The following BDP1 variants were observed in gnomAD, a reference collection of about 807,000 sequenced individuals.
The protein encoded by BDP1 is transcription factor TFIIIB component B'' homolog.
A neutral mutation model predicts 266.6 loss-of-function variants in BDP1; 169 were observed. That is an observed-to-expected ratio of 0.63 (90% CI 0.56 to 0.72). The LOEUF (loss-of-function observed/expected upper bound fraction) is 0.72. Among genes scored for constraint, BDP1 ranks in the 30% least tolerant of loss-of-function variants. BDP1 has a pLI of 0.00. For missense variants in BDP1, 3,015 were observed against 3,053.8 expected (o/e 0.99, Z 0.30); for synonymous variants, 1,090 against 1,022.4 (o/e 1.07, Z -1.26).
intron 31 of BDP1, among the ~76,000 whole-genome samples, chr5:71,544,737 G>A (rs1246064227): frequency 4.0e-5 from 6 of 151,772 alleles, no homozygotes; most frequent in Admixed American, 6.6e-5. Context: ...AAAATTAGCC[G>A]GGCGTGGTGG....
intron 15 of BDP1, among the ~76,000 whole-genome samples, chr5:71,504,286 A>G (rs906331112): frequency 1.3e-5 from 2 of 151,652 alleles, no homozygotes; most frequent in Non-Finnish European, 2.9e-5. Context: ...AAAAAAAAAA[A>G]AGAAAAAAAA....
At chr5:71,491,564 T>C (rs1293404449) in intron 11 of BDP1, among the ~76,000 whole-genome samples, 1 of 152,166 alleles carries the variant, frequency 6.6e-6, no homozygotes, top group African/African-American at 2.4e-5. Context: ...ATGTGTACTA[T>C]ACAGTGTTGT....
chr5:71,506,827 A>C (rs1764616564), intron 16 of BDP1, among the ~76,000 whole-genome samples: 1 of 143,178 alleles, frequency 7.0e-6, no homozygotes, highest in African/African-American at 2.6e-5. Context: ...ACACACACCC[A>C]TATTTTTTTA....
intron 15 of BDP1, 110 bp downstream of exon 15, chr5:71,502,901 T>G (rs1489159672): frequency 2.4e-6 from 2 of 840,232 alleles, no homozygotes; most frequent in African/African-American, 1.7e-5. Context: ...ATTTATTTAT[T>G]TATTTATGAC....
rs186925697 is a variant in BDP1 at position 71,553,418 on chromosome 5, T to A, written c.7200+98T>A. On this transcript the variant is annotated intron_variant, in intron 35 of 38. Coordinates refer to ENST00000358731, the MANE Select transcript of BDP1 (RefSeq NM_018429.3). ...ATTTTTTCCTTTATTCTCTTTAAACTTTTAGATATATATAAAGATAGTTCT... is the reference window on the plus strand; with the variant it reads ...ATTTTTTCCTTTATTCTCTTTAAACATTTAGATATATATAAAGATAGTTCT... The A allele has an allele frequency of 2.3e-5, 17 of 748,564 alleles. No individual in the cohort carries two copies. The Admixed American group carries it at 3.4e-4, about 15-fold the overall frequency. 46.4% of individuals were successfully genotyped at this position (748,564 alleles called of 1,614,324 possible). A position where few individuals can be genotyped will look rare whatever the true frequency, so the allele number is the denominator to read the frequency against.
At chr5:71,560,361 T>C in intron 37 of BDP1, 124 bp downstream of exon 37, 1 of 1,091,578 alleles carries the variant, frequency 9.2e-7, no homozygotes, top group East Asian at 2.6e-5. Context: ...ATCAGTAATG[T>C]AAAGGAAAAA....
intron 19 of BDP1, among the ~76,000 whole-genome samples, chr5:71,514,018 C>G (rs564688157): frequency 6.6e-6 from 1 of 151,918 alleles, no homozygotes; most frequent in African/African-American, 2.4e-5. Context: ...TGGCGCCCAG[C>G]GAGAATAATC....
Position 71,504,678 on chromosome 5 carries a change from T to G in BDP1, c.2299T>G (p.Leu767Val). 6.2e-7 allele frequency: 1 copy of G among 1,613,612 alleles called. No individual in the cohort carries two copies. The highest frequency in any genetic ancestry group is 8.5e-7 in the Non-Finnish European group (1 of 1,179,632). ...AGATTTTGAAGAGGAAGATGTCATATTACAGCCTGAGAAAAATGATTCTTT... is the reference window on the plus strand; with the variant it reads ...AGATTTTGAAGAGGAAGATGTCATAGTACAGCCTGAGAAAAATGATTCTTT... ...RKDFEEEDVILQPEKNDSFQN... is the reference protein window; with the variant it reads ...RKDFEEEDVIVQPEKNDSFQN... Residue 767 changes from leucine to valine, a missense_variant, in exon 16 of 39, where the codon TTA (leucine) becomes GTA (valine). Physicochemically the swap from Leu to Val is conservative, Grantham distance 32. Around this residue, in one of 3 missense-constraint regions of BDP1, gnomAD observed 2,383 missense variants for 2,404.9 expected, o/e 0.99. Transcript: ENST00000358731.
Position 71,567,348 on chromosome 5 carries a change from A to AT in BDP1, c.*2465dup, listed in dbSNP as rs1236917306. 6.6e-6 allele frequency: 1 copy of AT among 152,208 alleles called. No individual in the cohort carries two copies. 9.4% of individuals were successfully genotyped at this position (152,208 alleles called of 1,614,324 possible). On this transcript the variant is annotated 3_prime_UTR_variant, in exon 39 of 39. Coordinates refer to ENST00000358731, the MANE Select transcript of BDP1 (RefSeq NM_018429.3). ...TATAAAGAATACAGAGACTCATTGT[A>AT]TTAGAGAATCAAGTCAGCCAGCTAA...
intron 25 of BDP1, 99 bp downstream of exon 25, chr5:71,524,422 G>T: frequency 4.0e-6 from 5 of 1,252,088 alleles, no homozygotes; most frequent in Non-Finnish European, 5.5e-6. Flanking sequence ...TGATTATTAG[G>T]ATTTGAAGAG....
chr5:71,509,839 C>G lies in BDP1; in HGVS notation c.2747C>G (p.Pro916Arg), dbSNP rs201059861. ...GREICLREKT[P>R]EVIDATEEID... is the part of the protein sequence containing the mutation. ...GAGATTTGTCTAAGGGAGAAGACGC[C>G]AGAGGTGATTGATGCCACTGAGGAA... The change falls in exon 17 of 39, where the codon CCA becomes CGA. Residue 916 changes from proline to arginine, a missense_variant. Around this residue, in one of 3 missense-constraint regions of BDP1, gnomAD observed 2,383 missense variants for 2,404.9 expected, o/e 0.99. Transcript: ENST00000358731. 471 of 1,614,022 alleles carry G rather than the reference C, an allele frequency of 2.9e-4. No individual in the cohort carries two copies. The African/African-American group carries it at 4.0e-3, about 14-fold the overall frequency.
intron 33 of BDP1, 86 bp from the exon 34 acceptor site, chr5:71,549,334 C>A: frequency 1.8e-6 from 2 of 1,102,760 alleles, no homozygotes; most frequent in Non-Finnish European, 2.6e-6. Context: ...TGTCCTGAGA[C>A]TGTCTTTTTA....
intron 15 of BDP1, 36 bp downstream of exon 15, chr5:71,502,827 G>C (rs752459949): frequency 1.3e-6 from 2 of 1,536,796 alleles, no homozygotes; most frequent in Non-Finnish European, 1.8e-6. Context: ...TTTTTGGTAA[G>C]CAAGTACATG....
At chr5:71,555,337 TG>T (rs1743137773) in intron 35 of BDP1, among the ~76,000 whole-genome samples, 1 of 152,216 alleles carries the variant, frequency 6.6e-6, no homozygotes, top group Admixed American at 6.5e-5. Context: ...TCTTCATATT[TG>T]TTTGGATATA....
rs367645661 is a variant in BDP1 at position 71,511,055 on chromosome 5, C to T, written c.3963C>T (p.Asn1321=). ...TGKTDISPRE[N]ELEETSTSRQ... ...AAACAGACATTTCTCCAAGGGAAAA[C>T]GAGCTAGAGGAGACCAGTACCTCAA... Residue 1321 remains asparagine (N), a synonymous_variant, in exon 17 of 39, where the codon AAC becomes AAT. Coordinates refer to ENST00000358731, the MANE Select transcript of BDP1 (RefSeq NM_018429.3). The T allele has an allele frequency of 6.9e-5, 111 of 1,613,962 alleles. No homozygotes were observed. Among genetic ancestry groups the T allele is most frequent in the African/African-American group, 2.9e-4 (22 of 74,914 alleles).
Position 71,502,060 on chromosome 5 carries a change from A to G in BDP1, c.2048+407A>G, listed in dbSNP as rs149783217. ...ATCCCCTGGAGTTCTACATTATTCT[A>G]TAGTATCCTTAGTCAGGAGTAGTAT... On this transcript the variant is annotated intron_variant, in intron 14 of 38. Transcript: ENST00000358731. 2.7e-3 allele frequency among the ~76,000 whole-genome samples: 415 copies of G among 152,244 alleles called. 3 individuals are homozygous for G. The highest frequency in any genetic ancestry group is 9.5e-3 in the African/African-American group (394 of 41,554).
chr5:71,564,918 G>A lies in BDP1; in HGVS notation c.*33G>A, dbSNP rs1391980737. ...TTTTCTCTTTTTCTTTTTTAAATTA[G>A]GTCTAGGATTTCCAGAGTCAATTAC... On this transcript the variant is annotated 3_prime_UTR_variant, in exon 39 of 39. Coordinates refer to ENST00000358731, the MANE Select transcript of BDP1 (RefSeq NM_018429.3). 2.6e-6 allele frequency: 4 copies of A among 1,556,162 alleles called. No individual in the cohort carries two copies. The highest frequency in any genetic ancestry group is 3.5e-6 in the Non-Finnish European group (4 of 1,153,064).
chr5:71,554,621 A>G (rs936158726), intron 35 of BDP1, among the ~76,000 whole-genome samples: 1 of 152,234 alleles, frequency 6.6e-6, no homozygotes, highest in African/African-American at 2.4e-5. Flanking sequence ...GTACTTTACT[A>G]AGTACAAAAC....
At chr5:71,496,401 C>G (rs1427056098) in intron 12 of BDP1, among the ~76,000 whole-genome samples, 1 of 151,636 alleles carries the variant, frequency 6.6e-6, no homozygotes, top group Non-Finnish European at 1.5e-5. Context: ...TGATTGAGCT[C>G]TCCCTCACAC....
Sources: allele counts gnomAD v4.1 joint callset (sites outside exome capture counted in the v4.1 genomes callset), GRCh38; gene constraint gnomAD v4.1.1; regional missense constraint gnomAD v4.1.1; transcripts MANE v1.5; gene names NCBI Gene and HGNC (gene_info 2026-07-23, HGNC 2026-07-21).